EXOC6B: variants seen among roughly 807,000 people sequenced by gnomAD.
The protein encoded by EXOC6B is exocyst complex component 6B, also known as SEC15 homolog B.
A neutral mutation model predicts 113.5 loss-of-function variants in EXOC6B; 54 were observed. The ratio of observed to expected loss-of-function variants is 0.48; its 90% CI spans 0.38 to 0.60. The LOEUF is 0.60. Among genes scored for constraint, EXOC6B ranks in the 20% least tolerant of loss-of-function variants. The pLI is 0.00. For missense variants in EXOC6B, 797 were observed against 977.5 expected (o/e 0.82, Z 2.46); for synonymous variants, 357 against 339.0 (o/e 1.05, Z -0.58).
chr2:72,627,875 G>A (rs1672154358), intron 6 of EXOC6B, among the ~76,000 whole-genome samples: 1 of 151,954 alleles, frequency 6.6e-6, no homozygotes, highest in African/African-American at 2.4e-5. Context: ...CTATAAACAT[G>A]CACCACTGCA....
intron 1 of EXOC6B, among the ~76,000 whole-genome samples, chr2:72,807,021 GT>G (rs1180776503): frequency 6.6e-6 from 1 of 152,090 alleles, no homozygotes; most frequent in Non-Finnish European, 1.5e-5. Context: ...AAACTCTTTA[GT>G]TTAATTAGGT....
At chr2:72,601,212 T>C (rs1435239995) in intron 6 of EXOC6B, among the ~76,000 whole-genome samples, 1 of 151,362 alleles carries the variant, frequency 6.6e-6, no homozygotes, top group Non-Finnish European at 1.5e-5. Context: ...AGACGGAGAC[T>C]CACTCTGTCA....
intron 5 of EXOC6B, among the ~76,000 whole-genome samples, chr2:72,724,609 C>T (rs1201025087): frequency 6.6e-6 from 1 of 151,942 alleles, no homozygotes; most frequent in Non-Finnish European, 1.5e-5. Context: ...AAAACAAAAT[C>T]AATCTGCAGA....
intron 19 of EXOC6B, among the ~76,000 whole-genome samples, chr2:72,348,568 G>A (rs903519773): frequency 6.6e-6 from 1 of 151,820 alleles, no homozygotes; most frequent in African/African-American, 2.4e-5. Context: ...GTTGAAAGTG[G>A]TCACAAATCA....
chr2:72,283,987 T>A (rs771085469), intron 20 of EXOC6B, among the ~76,000 whole-genome samples: 1 of 152,116 alleles, frequency 6.6e-6, no homozygotes, highest in Non-Finnish European at 1.5e-5. Context: ...GAACCAATAA[T>A]TATAACCTCC....
At chr2:72,289,591 C>T (rs567810013) in intron 20 of EXOC6B, among the ~76,000 whole-genome samples, 2 of 152,012 alleles carry the variant, frequency 1.3e-5, no homozygotes, top group South Asian at 2.1e-4. Context: ...TGAAAATGTT[C>T]TCATTTTTAC....
intron 1 of EXOC6B, among the ~76,000 whole-genome samples, chr2:72,752,389 C>T (rs1435780849): frequency 6.6e-6 from 1 of 152,218 alleles, no homozygotes; most frequent in South Asian, 2.1e-4. Context: ...TCCATCAATA[C>T]TTTCTTTGGT....
At chr2:72,592,571 C>T (rs1706040254) in intron 6 of EXOC6B, among the ~76,000 whole-genome samples, 1 of 152,074 alleles carries the variant, frequency 6.6e-6, no homozygotes, top group South Asian at 2.1e-4. Context: ...CGTGAATCCT[C>T]TCCAAAAAAA....
In EXOC6B at chr2:72,586,224, C is replaced by T. The variant is rs1705559112; in HGVS notation, c.670-10556G>A. ...ATGTCTAAGTCTACAAAAGCAATTG[C>T]AACAAAAACAAAAATTGATAAATAG... is the stretch of plus-strand genomic sequence containing the variant. On this transcript the variant is annotated intron_variant, in intron 6 of 21. Transcript: ENST00000272427. Among the ~76,000 whole-genome samples the T allele has an allele frequency of 3.3e-5, 5 of 152,066 alleles. No individual in the cohort carries two copies. The South Asian group carries it at 1.0e-3, about 32-fold the overall frequency.
chr2:72,610,853 C>T (rs1268830712), intron 6 of EXOC6B, among the ~76,000 whole-genome samples: 1 of 152,172 alleles, frequency 6.6e-6, no homozygotes, highest in African/African-American at 2.4e-5. Context: ...GAAAACTCCG[C>T]AGTGAAGAAA....
chr2:72,339,290 A>G (rs1688888776), intron 19 of EXOC6B, among the ~76,000 whole-genome samples: 1 of 152,142 alleles, frequency 6.6e-6, no homozygotes, highest in African/African-American at 2.4e-5. Context: ...ATTTTGGCCA[A>G]GCAGAACCAA....
At chr2:72,472,896 C>CA (rs142177567) in intron 17 of EXOC6B, among the ~76,000 whole-genome samples, 10 of 152,030 alleles carry the variant, frequency 6.6e-5, no homozygotes, top group African/African-American at 2.4e-4. Context: ...TCATTTGTTC[C>CA]AAAAAACATT....
chr2:72,208,263 G>A (rs905385331), intron 20 of EXOC6B, among the ~76,000 whole-genome samples: 2 of 151,806 alleles, frequency 1.3e-5, no homozygotes, highest in African/African-American at 4.8e-5. Context: ...GTAGTCTGCA[G>A]TGTCTGTTGT....
chr2:72,247,412 C>G (rs2104530374), intron 20 of EXOC6B, among the ~76,000 whole-genome samples: 1 of 152,300 alleles, frequency 6.6e-6, no homozygotes, highest in East Asian at 1.9e-4. Flanking sequence ...GCAGAGGCTA[C>G]TGCCCAAGAG....
At chr2:72,287,234 C>G (rs1392519660) in intron 20 of EXOC6B, among the ~76,000 whole-genome samples, 1 of 151,716 alleles carries the variant, frequency 6.6e-6, no homozygotes, top group African/African-American at 2.4e-5. Flanking sequence ...TCGAGACCAT[C>G]CTGGCTAACA....
intron 20 of EXOC6B, among the ~76,000 whole-genome samples, chr2:72,293,562 T>A (rs1685940888): frequency 6.6e-6 from 1 of 152,186 alleles, no homozygotes; most frequent in African/African-American, 2.4e-5. Context: ...CCTTCAGCTA[T>A]GGATCTGAGA....
chr2:72,181,430 C>T (rs1168638435), intron 21 of EXOC6B, among the ~76,000 whole-genome samples: 1 of 152,196 alleles, frequency 6.6e-6, no homozygotes, highest in Admixed American at 6.5e-5. Flanking sequence ...CCCTAACACA[C>T]TAGTTGCACA....
chr2:72,309,465 T>C (rs572642599), intron 20 of EXOC6B, among the ~76,000 whole-genome samples: 1 of 152,276 alleles, frequency 6.6e-6, no homozygotes, highest in African/African-American at 2.4e-5. Context: ...TAAATCATAA[T>C]AGCATCTAAG....
chr2:72,643,239 T>C (rs1189128596), intron 6 of EXOC6B, among the ~76,000 whole-genome samples: 3 of 151,764 alleles, frequency 2.0e-5, no homozygotes, highest in African/African-American at 7.3e-5. Flanking sequence ...GAAATACCAT[T>C]TGACCCAGCC....
Sources: allele counts gnomAD v4.1 joint callset (sites outside exome capture counted in the v4.1 genomes callset), GRCh38; gene constraint gnomAD v4.1.1; transcripts MANE v1.5; gene names NCBI Gene and HGNC (gene_info 2026-07-23, HGNC 2026-07-21).